Variants in STPG2 observed in about 807,000 individuals in gnomAD.
STPG2 encodes sperm tail PG-rich repeat containing 2.
STPG2 carries 56 observed loss-of-function variants against 54.2 expected under a neutral mutation model. The ratio of observed to expected loss-of-function variants is 1.03; its 90% CI spans 0.83 to 1.29. The LOEUF is 1.29. Ranked by LOEUF, STPG2 falls within the 50% of genes most tolerant of loss-of-function variation. STPG2 has a pLI of 0.00. For synonymous variants in STPG2, 200 were observed against 181.8 expected (o/e 1.10, Z -0.81); for missense variants, 596 against 544.9 (o/e 1.09, Z -0.93).
At chr4:97,582,355 G>A (rs1450271700) in intron 10 of STPG2, among the ~76,000 whole-genome samples, 1 of 151,948 alleles carries the variant, frequency 6.6e-6, no homozygotes, top group African/African-American at 2.4e-5. Flanking sequence ...ACATCATGAT[G>A]CAATATAAAC....
chr4:97,882,027 A>C lies in STPG2; in HGVS notation c.1045-41095T>G, dbSNP rs535167397. Among the ~76,000 whole-genome samples, 29 of 152,120 alleles carry C rather than the reference A, an allele frequency of 1.9e-4. No individual in the cohort carries two copies. The East Asian group carries it at 1.9e-3, about 10-fold the overall frequency. ...ATGAAAGGCAGGTGCCCCCCTCCCC[A>C]CACACACACAAAAAAAATACCATGT... On this transcript the variant is annotated intron_variant, in intron 8 of 10. Transcript: ENST00000295268.
chr4:97,930,683 C>T (rs1362558426), intron 8 of STPG2, among the ~76,000 whole-genome samples: 1 of 152,042 alleles, frequency 6.6e-6, no homozygotes, highest in Admixed American at 6.6e-5. Context: ...TTCCATATGA[C>T]TTTTTAAAGG....
At chr4:97,638,299 A>C (rs1721631936) in intron 10 of STPG2, among the ~76,000 whole-genome samples, 1 of 152,162 alleles carries the variant, frequency 6.6e-6, no homozygotes, top group Non-Finnish European at 1.5e-5. Flanking sequence ...ATATGTAGAA[A>C]GCTGAAACTG....
At chr4:97,762,384 T>A (rs1378141334) in intron 9 of STPG2, among the ~76,000 whole-genome samples, 1 of 152,182 alleles carries the variant, frequency 6.6e-6, no homozygotes, top group Non-Finnish European at 1.5e-5. Context: ...CTCAGACCTG[T>A]TCTGCCCACA....
chr4:97,790,819 C>A (rs1726967318), intron 9 of STPG2, among the ~76,000 whole-genome samples: 1 of 152,164 alleles, frequency 6.6e-6, no homozygotes, highest in Non-Finnish European at 1.5e-5. Context: ...TTAAGCACAG[C>A]TGGTGAGCAA....
intron 10 of STPG2, among the ~76,000 whole-genome samples, chr4:97,601,537 T>C (rs1733461471): frequency 6.6e-6 from 1 of 151,954 alleles, no homozygotes; most frequent in South Asian, 2.1e-4. Flanking sequence ...AAAGTCCATC[T>C]TTTTCCCACT....
chr4:97,870,238 G>C (rs915699863), intron 8 of STPG2, among the ~76,000 whole-genome samples: 8 of 151,344 alleles, frequency 5.3e-5, no homozygotes. Context: ...ACAGGAAAAA[G>C]AAAGCTCCTG....
chr4:97,548,549 A>G (rs1035819727), intron 4 of STPG2, among the ~76,000 whole-genome samples: 1 of 152,106 alleles, frequency 6.6e-6, no homozygotes, highest in African/African-American at 2.4e-5. Flanking sequence ...TGAAATAATA[A>G]ACTTAGTATG....
In STPG2 at chr4:97,941,851, A is replaced by G. The variant is rs1480975879; in HGVS notation, c.1044+2046T>C. ...TGTTTGAAGTGTATTGTCATTTGCA[A>G]AAGAGATTTAAAAACCAAGCTTTCT... On this transcript the variant is annotated intron_variant, in intron 8 of 10. Coordinates refer to ENST00000295268, the MANE Select transcript of STPG2 (RefSeq NM_174952.3). 3.9e-5 allele frequency among the ~76,000 whole-genome samples: 6 copies of G among 152,100 alleles called. No individual in the cohort carries two copies. In the South Asian group the frequency reaches 8.3e-4, roughly 21 times the overall value.
chr4:97,907,273 T>G (rs1386889752), intron 8 of STPG2, among the ~76,000 whole-genome samples: 1 of 151,260 alleles, frequency 6.6e-6, no homozygotes, highest in African/African-American at 2.4e-5. Flanking sequence ...CACAATTGCT[T>G]CCAAGAGAAT....
At chr4:97,550,871 G>C (rs1439017929) in intron 4 of STPG2, among the ~76,000 whole-genome samples, 1 of 152,056 alleles carries the variant, frequency 6.6e-6, no homozygotes, top group Non-Finnish European at 1.5e-5. Context: ...CGGTGGGTTT[G>C]TGGTCTTGCT....
At chr4:97,995,721 G>T (rs1331881733) in intron 5 of STPG2, among the ~76,000 whole-genome samples, 1 of 152,132 alleles carries the variant, frequency 6.6e-6, no homozygotes, top group East Asian at 1.9e-4. Context: ...CACACACCAG[G>T]ACTCATTTCT....
chr4:97,852,180 G>A (rs902171031), intron 8 of STPG2, among the ~76,000 whole-genome samples: 1 of 152,176 alleles, frequency 6.6e-6, no homozygotes, highest in Non-Finnish European at 1.5e-5. Context: ...TTAAATAGCA[G>A]AGTTAGGAAA....
intron 9 of STPG2, among the ~76,000 whole-genome samples, chr4:97,745,213 T>C (rs1050562842): frequency 6.8e-6 from 1 of 147,580 alleles, no homozygotes; most frequent in African/African-American, 2.5e-5. Flanking sequence ...AAGTCATTAT[T>C]ACCTTTCTTT....
At chr4:97,618,430 TA>T (rs201499729) in intron 10 of STPG2, among the ~76,000 whole-genome samples, 2 of 151,204 alleles carry the variant, frequency 1.3e-5, no homozygotes, top group East Asian at 1.9e-4. Flanking sequence ...CATGGGAAAT[TA>T]AAAAAAAATG....
intron 9 of STPG2, among the ~76,000 whole-genome samples, chr4:97,795,509 CTA>C (rs1727139542): frequency 6.6e-6 from 1 of 152,210 alleles, no homozygotes; most frequent in Non-Finnish European, 1.5e-5. Flanking sequence ...ATCCATGTCC[CTA>C]CAAAGGACAT....
At chr4:98,142,656 G>A (rs894295773) in intron 1 of STPG2, among the ~76,000 whole-genome samples, 1 of 152,146 alleles carries the variant, frequency 6.6e-6, no homozygotes. Flanking sequence ...GTTAATGGGA[G>A]GAAAGATGTG....
intron 9 of STPG2, among the ~76,000 whole-genome samples, chr4:97,729,945 T>A (rs1724747610): frequency 6.6e-6 from 1 of 152,238 alleles, no homozygotes; most frequent in African/African-American, 2.4e-5. Flanking sequence ...ATCTTGCAGC[T>A]ATACTGAATT....
intron 9 of STPG2, among the ~76,000 whole-genome samples, chr4:97,775,046 G>T (rs561059283): frequency 3.9e-5 from 6 of 152,212 alleles, no homozygotes; most frequent in South Asian, 2.1e-4. Context: ...CTTTTGAATA[G>T]AATTAAATTC....
Sources: gnomAD v4.1 joint callset for allele counts (sites outside exome capture counted in the v4.1 genomes callset) on GRCh38, gnomAD v4.1.1 for gene constraint, MANE v1.5 for transcripts, NCBI Gene and HGNC (gene_info 2026-07-23, HGNC 2026-07-21) for gene names.